Variants in CADPS observed in about 807,000 individuals in gnomAD.
CADPS encodes the protein calcium-dependent secretion activator 1.
In CADPS, 57 loss-of-function variants were observed where a neutral mutation model predicts 167.3. That is an observed-to-expected ratio of 0.34 (90% CI 0.28 to 0.42). The LOEUF (loss-of-function observed/expected upper bound fraction) is 0.42, where lower values mean the gene tolerates loss of function less well. Among genes scored for constraint, CADPS ranks in the 20% least tolerant of loss-of-function variants. The pLI is 1.00. For synonymous variants in CADPS, 676 were observed against 635.3 expected (o/e 1.06, Z -0.96); for missense variants, 1,414 against 1,738.1 (o/e 0.81, Z 3.32).
intron 6 of CADPS, among the ~76,000 whole-genome samples, chr3:62,609,825 C>T (rs2061241410): frequency 6.6e-6 from 1 of 152,122 alleles, no homozygotes. Context: ...TACAGTGGCT[C>T]ACACCTGTAA....
intron 3 of CADPS, 59 bp from the exon 4 acceptor site, chr3:62,662,453 A>C (rs2150496679): frequency 2.7e-5 from 40 of 1,458,802 alleles, no homozygotes; most frequent in Non-Finnish European, 3.7e-5. Context: ...CAATAAACTC[A>C]GGACATTCCA....
At chr3:62,604,207 C>T (rs1352456068) in intron 6 of CADPS, among the ~76,000 whole-genome samples, 1 of 152,018 alleles carries the variant, frequency 6.6e-6, no homozygotes, top group Non-Finnish European at 1.5e-5. Flanking sequence ...TAAAAGAAAC[C>T]CTGCACTGAC....
chr3:62,540,200 T>G (rs2075454911), intron 11 of CADPS, among the ~76,000 whole-genome samples: 1 of 152,162 alleles, frequency 6.6e-6, no homozygotes, highest in Non-Finnish European at 1.5e-5. Flanking sequence ...TTATCATTTC[T>G]AGGAAGCTGG....
intron 6 of CADPS, among the ~76,000 whole-genome samples, chr3:62,644,160 T>A (rs2068022822): frequency 6.6e-6 from 1 of 152,334 alleles, no homozygotes; most frequent in African/African-American, 2.4e-5. Flanking sequence ...CTATTTTGTT[T>A]GAACATCCTG....
chr3:62,473,309 C>T (rs572886529), intron 24 of CADPS, among the ~76,000 whole-genome samples: 66 of 152,206 alleles, frequency 4.3e-4, no homozygotes, highest in Non-Finnish European at 5.6e-4. Context: ...ACCACCAACC[C>T]ACATTTAAAA....
chr3:62,791,897 C>T (rs1285163133), intron 1 of CADPS, among the ~76,000 whole-genome samples: 1 of 152,170 alleles, frequency 6.6e-6, no homozygotes, highest in Non-Finnish European at 1.5e-5. Flanking sequence ...TTAGCACATG[C>T]CTGGCATATA....
At chr3:62,668,366 C>A (rs1428286159) in intron 3 of CADPS, among the ~76,000 whole-genome samples, 2 of 152,180 alleles carry the variant, frequency 1.3e-5, no homozygotes, top group South Asian at 2.1e-4. Flanking sequence ...AGCTCTGCAG[C>A]CTTGTCGGGC....
intron 5 of CADPS, 57 bp downstream of exon 5, chr3:62,650,790 A>G: frequency 7.7e-7 from 1 of 1,293,688 alleles, no homozygotes; most frequent in Non-Finnish European, 1.1e-6. Context: ...GACGCATCTA[A>G]TCGCCCATGT....
At position 62,875,069 on chromosome 3, in the gene CADPS, T is replaced by G. The variant is rs2083428433; in HGVS notation, c.-40A>C. The G allele has an allele frequency of 6.5e-7, 1 of 1,545,392 alleles. No individual in the cohort carries two copies. Among genetic ancestry groups the G allele is most frequent in the Admixed American group, 1.8e-5 (1 of 55,082 alleles). ...AGCGGGGTCTCTGGAGCCCCCGGCT[T>G]GGAGTGCAAAAGGTGGGGGGCGCTG... On this transcript the variant is annotated 5_prime_UTR_variant, in exon 1 of 30. Transcript: ENST00000383710.
Position 62,753,295 on chromosome 3 carries a change from G to A in CADPS, c.888+146C>T. 1.6e-6 allele frequency: 1 copy of A among 620,128 alleles called. No homozygotes were observed. Among genetic ancestry groups the A allele is most frequent in the Non-Finnish European group, 2.8e-6 (1 of 358,154 alleles). The allele number at this position is 620,128 out of a possible 1,614,324, so 38.4% of individuals were successfully genotyped here. On this transcript the variant is annotated intron_variant, in intron 3 of 29. Transcript: ENST00000383710. The surrounding 1 kb of genome is among the most constrained non-coding windows in gnomAD (Gnocchi z 4.6). ...AGAAGAAAAGCATGAATATACTCCA[G>A]CCTAAACTGTATTCAACTTTTTACC...
intron 28 of CADPS, among the ~76,000 whole-genome samples, chr3:62,424,675 T>A (rs143553477): frequency 1.2e-4 from 18 of 152,292 alleles, no homozygotes; most frequent in African/African-American, 1.9e-4. Flanking sequence ...GGTTTTCCAA[T>A]GAATCTTCAA....
At chr3:62,618,783 A>C (rs1005308651) in intron 6 of CADPS, among the ~76,000 whole-genome samples, 1 of 152,206 alleles carries the variant, frequency 6.6e-6, no homozygotes, top group Non-Finnish European at 1.5e-5. Flanking sequence ...TCAGGCTTTT[A>C]ATAGAACATA....
chr3:62,854,672 CGTAA>C, intron 1 of CADPS, among the ~76,000 whole-genome samples: 1 of 152,176 alleles, frequency 6.6e-6, no homozygotes, highest in South Asian at 2.1e-4. Context: ...ATTGTGTAGT[CGTAA>C]GTAACAAGAA....
rs555966185 is a variant in CADPS, at chr3:62,726,005, C to T, written c.888+27436G>A. Among the ~76,000 whole-genome samples the T allele has an allele frequency of 9.0e-4, 136 of 151,814 alleles. 3 individuals are homozygous for T. The highest frequency in any genetic ancestry group is 3.1e-3 in the African/African-American group (128 of 41,186). Reference sequence around the variant, plus strand: ...CTAGGCTCATCACATGGTGGCAAACCGCCTGCTCCCTGACCACTGAGAAGG... The same window carrying T: ...CTAGGCTCATCACATGGTGGCAAACTGCCTGCTCCCTGACCACTGAGAAGG... On this transcript the variant is annotated intron_variant, in intron 3 of 29. Transcript: ENST00000383710.
At chr3:62,636,215 G>C (rs1273509311) in intron 6 of CADPS, among the ~76,000 whole-genome samples, 2 of 152,194 alleles carry the variant, frequency 1.3e-5, no homozygotes, top group Non-Finnish European at 2.9e-5. Context: ...AAGAAACTGA[G>C]GTTCAGAAGG....
chr3:62,724,525 G>T (rs949474318), intron 3 of CADPS, among the ~76,000 whole-genome samples: 2 of 152,066 alleles, frequency 1.3e-5, no homozygotes, highest in African/African-American at 4.8e-5. Flanking sequence ...ATAAACAAAA[G>T]GAATTTTAGT....
intron 3 of CADPS, among the ~76,000 whole-genome samples, chr3:62,699,851 C>A (rs757865574): frequency 1.3e-5 from 2 of 152,044 alleles, no homozygotes; most frequent in Non-Finnish European, 2.9e-5. Flanking sequence ...GTACACCGTG[C>A]CTGGCCTGTT....
intron 1 of CADPS, among the ~76,000 whole-genome samples, chr3:62,799,950 T>C (rs1286552822): frequency 6.6e-6 from 1 of 152,168 alleles, no homozygotes; most frequent in Admixed American, 6.6e-5. Context: ...AGAGGGAAGA[T>C]TTGTTTCCTG....
At position 62,516,177 on chromosome 3, in the gene CADPS, C is replaced by T. The variant is rs904022218; in HGVS notation, c.2463G>A (p.Leu821=). The T allele has an allele frequency of 2.5e-6, 4 of 1,612,828 alleles. No homozygotes were observed. Among genetic ancestry groups the T allele is most frequent in the Admixed American group, 1.7e-5 (1 of 59,926 alleles). ...KATLSLLERV[L]MKDIVTPVPQ... The stretch of plus-strand genomic sequence containing the variant: ...GCACTGGGGTAACAATATCTTTCAT[C>T]AAAACCTTCAAGTAGGAAAAAGAGG... Residue 821 remains leucine, a synonymous_variant, in exon 16 of 30, where the codon TTG becomes TTA. Transcript: ENST00000383710.
Sources: gnomAD v4.1 joint callset for allele counts (sites outside exome capture counted in the v4.1 genomes callset) on GRCh38, gnomAD v4.1.1 for gene constraint, Gnocchi (gnomAD v3.1) non-coding constraint, MANE v1.5 for transcripts, NCBI Gene and HGNC (gene_info 2026-07-23, HGNC 2026-07-21) for gene names.